The following POP4 variants were observed in gnomAD, a reference collection of about 807,000 sequenced individuals.
POP4 encodes the protein POP4 ribonuclease P/MRP subunit, also known as ribonuclease P protein subunit p29.
A neutral mutation model predicts 29.9 loss-of-function variants in POP4; 31 were observed. That is an observed-to-expected ratio of 1.04 (90% confidence interval 0.78 to 1.40). The LOEUF is 1.40. Ranked by LOEUF, POP4 falls within the 40% of genes most tolerant of loss-of-function variation. The pLI is 0.00. For missense variants in POP4, 286 were observed against 282.7 expected, an observed-to-expected ratio of 1.01 and a Z score of -0.08; for synonymous variants, 110 against 108.2, an observed-to-expected ratio of 1.02 and a Z score of -0.10.
chr19:29,612,910 C>T (rs561948403), intron 5 of POP4, among the ~76,000 whole-genome samples: 3 of 152,342 alleles, frequency 2.0e-5, no homozygotes, highest in Admixed American at 6.5e-5. Context: ...AATCAGAGCA[C>T]GTTCCTTCCC....
intron 2 of POP4, among the ~76,000 whole-genome samples, chr19:29,609,624 T>C (rs955210854): frequency 5.0e-5 from 7 of 141,166 alleles, no homozygotes; most frequent in African/African-American, 2.0e-4. Flanking sequence ...TTGGAGGGTT[T>C]CTTTGTTTGT....
Position 29,615,263 on chromosome 19 carries a change from C to T in POP4, c.546C>T (p.Cys182=), listed in dbSNP as rs184488449. Residue 182 remains cysteine, a synonymous_variant, in exon 7 of 7, where the codon TGC becomes TGT. Coordinates refer to ENST00000585603, the MANE Select transcript of POP4 (RefSeq NM_006627.3). ...DRLKVIPKLN[C]VFTVETDGFI... ...TTTCAGTTATCCCCAAGCTAAACTG[C>T]GTGTTCACTGTGGAAACCGATGGCT... 243 of 1,589,416 alleles carry T rather than the reference C, an allele frequency of 1.5e-4. 1 individual carries two copies. In the East Asian group the frequency reaches 2.9e-3, roughly 19 times the overall value.
Position 29,610,405 on chromosome 19 carries a change from G to A in POP4, c.61-4G>A. ...GAGCGCCGCACCCCCTTGTCCGCCT[G>A]CAGCCTTCAGGAGCACAGCGGGCCG... is the stretch of plus-strand genomic sequence containing the variant. On this transcript the variant is annotated splice_region_variant and splice_polypyrimidine_tract_variant and intron_variant, in intron 2 of 6. Transcript: ENST00000585603. The A allele has an allele frequency of 6.4e-7, 1 of 1,551,796 alleles. No individual in the cohort carries two copies. The highest frequency in any genetic ancestry group is 8.7e-7 in the Non-Finnish European group (1 of 1,147,830).
intron 1 of POP4, among the ~76,000 whole-genome samples, chr19:29,607,193 G>A (rs1971008270): frequency 6.6e-6 from 1 of 152,070 alleles, no homozygotes; most frequent in Admixed American, 6.5e-5. Context: ...CAGCACTTTG[G>A]GAGGCTGAGG....
At chr19:29,607,528 G>A (rs2145554391) in intron 1 of POP4, among the ~76,000 whole-genome samples, 1 of 152,066 alleles carries the variant, frequency 6.6e-6, no homozygotes, top group African/African-American at 2.4e-5. Context: ...CAAGAAAGCT[G>A]GAATTAAATT....
intron 6 of POP4, 79 bp from the exon 7 acceptor site, chr19:29,615,165 T>C: frequency 7.1e-7 from 1 of 1,410,568 alleles, no homozygotes; most frequent in Non-Finnish European, 9.4e-7. Flanking sequence ...TTCTGAATAA[T>C]ATTCTACCTA....
rs759908705 is a variant in POP4, at chr19:29,615,358, C to T, written c.641C>T (p.Ala214Val). ...SSERSAKKFKAKGTIDL is the reference protein window; with the variant it reads ...SSERSAKKFKVKGTIDL ...GAACGGTCTGCGAAGAAGTTCAAAG[C>T]GAAGGGAACGATTGACCTGTGAATT... The change falls in exon 7 of 7, where the codon GCG (alanine) becomes GTG (valine). Residue 214 changes from alanine to valine, a missense_variant. Physicochemically the swap from Ala to Val is moderately conservative, Grantham distance 64. Transcript: ENST00000585603. 46 of 1,613,234 alleles carry T rather than the reference C, an allele frequency of 2.9e-5. No individual in the cohort carries two copies. Among genetic ancestry groups the T allele is most frequent in the Middle Eastern group, 1.6e-4 (1 of 6,078 alleles).
Position 29,615,504 on chromosome 19 carries a change from C to A in POP4, c.*124C>A, listed in dbSNP as rs1599488785. ...TATAGACCACCTCCAGCCAGTGACGCTCCGAGTTGAGGATGTTGAACAACA... is the reference window on the plus strand; with the variant it reads ...TATAGACCACCTCCAGCCAGTGACGATCCGAGTTGAGGATGTTGAACAACA... On this transcript the variant is annotated 3_prime_UTR_variant, in exon 7 of 7. Coordinates refer to ENST00000585603, the MANE Select transcript of POP4 (RefSeq NM_006627.3). The A allele has an allele frequency of 9.4e-7, 1 of 1,062,398 alleles. No homozygotes were observed. The highest frequency in any genetic ancestry group is 2.6e-5 in the East Asian group (1 of 39,202). 65.8% of individuals were successfully genotyped at this position (1,062,398 alleles called of 1,614,324 possible).
rs1971140909 is a variant in POP4 at position 29,617,101 on chromosome 19, T to G, written c.*1721T>G. On this transcript the variant is annotated 3_prime_UTR_variant, in exon 7 of 7. Coordinates refer to ENST00000585603, the MANE Select transcript of POP4 (RefSeq NM_006627.3). ...TGTCTTGAGTGGGAAGTGGCATCTA[T>G]TCCCCCAGCCATCTGAAAATGCTGT... is the stretch of plus-strand genomic sequence containing the variant. 6.6e-6 allele frequency: 1 copy of G among 152,202 alleles called. No homozygotes were observed. Among genetic ancestry groups the G allele is most frequent in the Non-Finnish European group, 1.5e-5 (1 of 68,044 alleles). The allele number at this position is 152,202 out of a possible 1,614,324, so 9.4% of individuals were successfully genotyped here. A position where few individuals can be genotyped will look rare whatever the true frequency, so the allele number is the denominator to read the frequency against.
chr19:29,613,637 T>A (rs892596464), intron 5 of POP4, among the ~76,000 whole-genome samples: 3 of 152,088 alleles, frequency 2.0e-5, no homozygotes, highest in African/African-American at 7.2e-5. Context: ...CCACAGACCC[T>A]CCGAAGGACA....
chr19:29,607,512 G>A (rs1452892692), intron 1 of POP4, among the ~76,000 whole-genome samples: 1 of 151,900 alleles, frequency 6.6e-6, no homozygotes. Context: ...CATTCTCAGG[G>A]AAGTACAAGA....
At chr19:29,613,824 C>T in intron 5 of POP4, 47 bp from the exon 6 acceptor site, 1 of 1,573,820 alleles carries the variant, frequency 6.4e-7, no homozygotes, top group Non-Finnish European at 8.6e-7. Context: ...TGTGGTTCCC[C>T]CAGCACCACA....
At chr19:29,611,761 G>A in intron 3 of POP4, 101 bp from the exon 4 acceptor site, 1 of 932,526 alleles carries the variant, frequency 1.1e-6, no homozygotes, top group South Asian at 1.4e-5. Flanking sequence ...AATGATCCCA[G>A]GTTGCAGTTG....
intron 2 of POP4, 77 bp downstream of exon 2, chr19:29,608,786 C>T: frequency 7.4e-7 from 1 of 1,351,878 alleles, no homozygotes; most frequent in Non-Finnish European, 1.1e-6. Flanking sequence ...GCCCCCAGCA[C>T]TGATTGAGAT....
chr19:29,610,336 C>T lies in POP4; in HGVS notation c.61-73C>T, dbSNP rs931129574. The T allele has an allele frequency of 1.4e-5, 19 of 1,373,862 alleles. No homozygotes were observed. In the East Asian group the frequency reaches 2.5e-4, roughly 18 times the overall value. 85.1% of individuals were successfully genotyped at this position (1,373,862 alleles called of 1,614,324 possible). A position where few individuals can be genotyped will look rare whatever the true frequency, so the allele number is the denominator to read the frequency against. On this transcript the variant is annotated intron_variant, in intron 2 of 6. Coordinates refer to ENST00000585603, the MANE Select transcript of POP4 (RefSeq NM_006627.3). Reference sequence around the variant, plus strand: ...CTCTTGCAGTAGCTGCCGGGAATGGCGGGCGGGATGCCTGGGATCCTGGGC... The same window carrying T: ...CTCTTGCAGTAGCTGCCGGGAATGGTGGGCGGGATGCCTGGGATCCTGGGC...
In POP4 at chr19:29,615,682, G is replaced by A. The variant is rs536514122; in HGVS notation, c.*302G>A. The A allele has an allele frequency of 1.5e-5, 4 of 270,884 alleles. No homozygotes were observed. Among genetic ancestry groups the A allele is most frequent in the East Asian group, 6.5e-5 (1 of 15,272 alleles). The allele number at this position is 270,884 out of a possible 1,614,324, so 16.8% of individuals were successfully genotyped here. A position where few individuals can be genotyped will look rare whatever the true frequency, so the allele number is the denominator to read the frequency against. Reference sequence around the variant, plus strand: ...CTGGTTGACTTGAATAGGATTATTCGATTTTTAAAAATACTTTTCCATGTT... The same window carrying A: ...CTGGTTGACTTGAATAGGATTATTCAATTTTTAAAAATACTTTTCCATGTT... On this transcript the variant is annotated 3_prime_UTR_variant, in exon 7 of 7. Transcript: ENST00000585603.
intron 2 of POP4, 95 bp downstream of exon 2, chr19:29,608,804 C>A: frequency 1.7e-6 from 2 of 1,179,608 alleles, no homozygotes; most frequent in South Asian, 2.5e-5. Flanking sequence ...GATGTCCTTT[C>A]CCACATCATA....
Position 29,615,539 on chromosome 19 carries a change from C to T in POP4, c.*159C>T, listed in dbSNP as rs550990301. 1.3e-5 allele frequency: 9 copies of T among 699,092 alleles called. No individual in the cohort carries two copies. The highest frequency in any genetic ancestry group is 4.8e-5 in the South Asian group (2 of 41,834). The allele number at this position is 699,092 out of a possible 1,614,324, so 43.3% of individuals were successfully genotyped here. A position where few individuals can be genotyped will look rare whatever the true frequency, so the allele number is the denominator to read the frequency against. On this transcript the variant is annotated 3_prime_UTR_variant, in exon 7 of 7. Transcript: ENST00000585603. ...AGGATGTTGAACAACATGGGAAGGT[C>T]GCAGCGTACTAAGTGAAGAAGTCAG...
At chr19:29,613,523 G>A (rs992682527) in intron 5 of POP4, among the ~76,000 whole-genome samples, 1 of 152,212 alleles carries the variant, frequency 6.6e-6, no homozygotes, top group African/African-American at 2.4e-5. Flanking sequence ...TGCAGATCCT[G>A]CAAGGGAGAC....
Sources: allele counts gnomAD v4.1 joint callset (sites outside exome capture counted in the v4.1 genomes callset), GRCh38; gene constraint gnomAD v4.1.1; transcripts MANE v1.5; gene names NCBI Gene and HGNC (gene_info 2026-07-23, HGNC 2026-07-21).